HSPA4L: variants seen among roughly 807,000 people sequenced by gnomAD.
HSPA4L encodes heat shock protein family A (Hsp70) member 4 like, also known as heat shock 70 kDa protein 4L.
Under a neutral mutation model 100.3 loss-of-function variants are expected in HSPA4L, and 48 were observed. That is an observed-to-expected ratio of 0.48 (90% confidence interval 0.38 to 0.61). HSPA4L has a LOEUF of 0.61. Ranked by LOEUF, HSPA4L falls within the 20% of genes least tolerant of loss-of-function variation. The pLI, the probability that HSPA4L is intolerant of heterozygous loss-of-function variation, is 0.00. For synonymous variants in HSPA4L, 319 were observed against 328.2 expected (o/e 0.97, Z 0.30); for missense variants, 886 against 988.6 (o/e 0.90, Z 1.39).
chr4:127,790,741 A>C (rs558361949), intron 1 of HSPA4L, among the ~76,000 whole-genome samples: 81 of 152,304 alleles, frequency 5.3e-4, no homozygotes, highest in African/African-American at 1.9e-3. Context: ...GCAACTAGAA[A>C]CCTAGATATT....
Position 127,811,554 on chromosome 4 carries a change from A to G in HSPA4L, c.1496A>G (p.Glu499Gly). Reference protein sequence around the residue: ...IFSVASASVIEKQNLEGDHSD... With the variant: ...IFSVASASVIGKQNLEGDHSD... The stretch of plus-strand genomic sequence containing the variant: ...AGTGTGGCTAGCGCATCAGTAATTG[A>G]GAAGCAAAATTTGGAAGGCGATCAC... The change falls in exon 12 of 19, where the codon GAG becomes GGG. Residue 499 changes from glutamate (E) to glycine (G), a missense_variant. By Grantham distance (98) the Glu-to-Gly change is moderately conservative (BLOSUM62 -2). Transcript: ENST00000296464. 1 of 1,614,048 alleles carries G rather than the reference A, an allele frequency of 6.2e-7. No individual in the cohort carries two copies. The highest frequency in any genetic ancestry group is 1.3e-5 in the African/African-American group (1 of 75,040).
chr4:127,792,704 G>T (rs1459404626), intron 1 of HSPA4L, among the ~76,000 whole-genome samples: 4 of 152,158 alleles, frequency 2.6e-5, no homozygotes, highest in African/African-American at 9.7e-5. Context: ...GTCACTAAAT[G>T]AATTGTATCA....
intron 12 of HSPA4L, among the ~76,000 whole-genome samples, chr4:127,814,724 G>A (rs191508369): frequency 6.6e-6 from 1 of 151,986 alleles, no homozygotes; most frequent in Non-Finnish European, 1.5e-5. Flanking sequence ...ACGCCACCAC[G>A]CCTGGCAGAT....
chr4:127,792,569 A>G (rs1227680152), intron 1 of HSPA4L, among the ~76,000 whole-genome samples: 1 of 152,178 alleles, frequency 6.6e-6, no homozygotes, highest in East Asian at 1.9e-4. Context: ...TATTCTAGTT[A>G]ATTGAAATTG....
At chr4:127,798,354 G>GAAAATAC (rs1284594416) in intron 3 of HSPA4L, among the ~76,000 whole-genome samples, 5 of 152,246 alleles carry the variant, frequency 3.3e-5, no homozygotes, top group Admixed American at 2.0e-4. Context: ...CTACACTTTT[G>GAAAATAC]AAAATACTTT....
chr4:127,799,213 A>G (rs1186504230), intron 4 of HSPA4L, among the ~76,000 whole-genome samples: 4 of 152,158 alleles, frequency 2.6e-5, no homozygotes, highest in African/African-American at 7.2e-5. Flanking sequence ...CTTGACTACA[A>G]AAGTTCAAGA....
rs1734339669 is a variant in HSPA4L at position 127,840,397 on chromosome 4, T to A, written c.*7523T>A. 6.6e-6 allele frequency: 1 copy of A among 152,218 alleles called. No homozygotes were observed. The highest frequency in any genetic ancestry group is 6.5e-5 in the Admixed American group (1 of 15,276). 9.4% of individuals were successfully genotyped at this position (152,218 alleles called of 1,614,324 possible). A position where few individuals can be genotyped will look rare whatever the true frequency, so the allele number is the denominator to read the frequency against. ...TCAATACAAACAGCAACCACTGAAA[T>A]GCAGAAAATGGTAATCAAGTGTGAT... On this transcript the variant is annotated 3_prime_UTR_variant, in exon 19 of 19. Coordinates refer to ENST00000296464, the MANE Select transcript of HSPA4L (RefSeq NM_014278.4).
intron 11 of HSPA4L, chr4:127,809,026 T>C: frequency 1.1e-5 from 5 of 456,686 alleles, no homozygotes; most frequent in Non-Finnish European, 2.0e-5. Flanking sequence ...TAATGTTTAC[T>C]GGCAACAACT....
intron 3 of HSPA4L, among the ~76,000 whole-genome samples, chr4:127,796,911 A>G (rs949800911): frequency 6.6e-6 from 1 of 152,240 alleles, no homozygotes; most frequent in African/African-American, 2.4e-5. Context: ...CTTTGTGAAT[A>G]TACTGAATTG....
chr4:127,829,270 A>T (rs910277899), intron 17 of HSPA4L, among the ~76,000 whole-genome samples: 1 of 152,144 alleles, frequency 6.6e-6, no homozygotes, highest in Non-Finnish European at 1.5e-5. Flanking sequence ...GGTTGAAAAT[A>T]GGGGTAAGTG....
chr4:127,830,831 G>A lies in HSPA4L; in HGVS notation c.2328+32G>A, dbSNP rs893703177. 7 of 1,402,546 alleles carry A rather than the reference G, an allele frequency of 5.0e-6. No homozygotes were observed. The African/African-American group carries it at 8.9e-5, about 18-fold the overall frequency. 86.9% of individuals were successfully genotyped at this position (1,402,546 alleles called of 1,614,324 possible). A position where few individuals can be genotyped will look rare whatever the true frequency, so the allele number is the denominator to read the frequency against. On this transcript the variant is annotated intron_variant, in intron 18 of 18. Coordinates refer to ENST00000296464, the MANE Select transcript of HSPA4L (RefSeq NM_014278.4). ...AGTTTATGAAATTGCCTTTTTAATG[G>A]TTTCAAGTATTAAAATTTTTAATGA... is the stretch of plus-strand genomic sequence containing the variant.
At chr4:127,815,514 A>G (rs1476393498) in intron 12 of HSPA4L, among the ~76,000 whole-genome samples, 2 of 152,060 alleles carry the variant, frequency 1.3e-5, no homozygotes, top group Non-Finnish European at 2.9e-5. Context: ...AAATTATCAC[A>G]TCTTAAACTA....
At position 127,838,333 on chromosome 4, in the gene HSPA4L, T is replaced by C. The variant is rs1325707705; in HGVS notation, c.*5459T>C. 1.3e-5 allele frequency: 2 copies of C among 152,222 alleles called. No homozygotes were observed. The highest frequency in any genetic ancestry group is 2.9e-5 in the Non-Finnish European group (2 of 68,034). 9.4% of individuals were successfully genotyped at this position (152,222 alleles called of 1,614,324 possible). On this transcript the variant is annotated 3_prime_UTR_variant, in exon 19 of 19. Transcript: ENST00000296464. ...GTGGGTGATGGCTCTTTCATCTTCC[T>C]TATCCCTAAAGATACTTCCAACATA...
intron 16 of HSPA4L, among the ~76,000 whole-genome samples, chr4:127,823,875 A>G (rs1361852661): frequency 6.6e-6 from 1 of 152,168 alleles, no homozygotes; most frequent in Non-Finnish European, 1.5e-5. Context: ...CTACTCTCTC[A>G]ACCAATTTTC....
chr4:127,827,367 T>A lies in HSPA4L; in HGVS notation c.2109T>A (p.Asn703Lys). Residue 703 changes from asparagine to lysine, a missense_variant, in exon 17 of 19, where the codon AAT becomes AAA. Coordinates refer to ENST00000296464, the MANE Select transcript of HSPA4L (RefSeq NM_014278.4). ...ATGAAGAGAGACCAAAAGCCTTAAA[T>A]GACTTGGGAAAAAAGATCCAACTTG... Reference protein sequence around the residue: ...MEHEERPKALNDLGKKIQLVM... With the variant: ...MEHEERPKALKDLGKKIQLVM... The A allele has an allele frequency of 6.2e-7, 1 of 1,613,642 alleles. No individual in the cohort carries two copies.
intron 17 of HSPA4L, among the ~76,000 whole-genome samples, chr4:127,829,970 C>CA (rs1734038489): frequency 6.6e-6 from 1 of 151,396 alleles, no homozygotes; most frequent in Non-Finnish European, 1.5e-5. Flanking sequence ...ATGGGTTTTC[C>CA]ATTTGTTTGT....
chr4:127,799,606 A>T (rs7671590), intron 4 of HSPA4L, among the ~76,000 whole-genome samples: 86,261 of 152,032 alleles, frequency 0.57, 25,642 homozygotes, highest in Middle Eastern at 0.79. Context: ...TTGAAAGGAT[A>T]TGTTAGAATC....
At chr4:127,793,618 A>C (rs866328068) in intron 1 of HSPA4L, among the ~76,000 whole-genome samples, 3 of 152,204 alleles carry the variant, frequency 2.0e-5, no homozygotes, top group Non-Finnish European at 4.4e-5. Flanking sequence ...ACCTATATCC[A>C]TTCTCTTAAT....
upstream of HSPA4L, chr4:127,782,111 C>T (rs1348702898): frequency 2.2e-6 from 1 of 455,240 alleles, no homozygotes; most frequent in East Asian, 7.0e-5. Flanking sequence ...TCCCGCTTCT[C>T]CCGCCCCCGG....
Sources: gnomAD v4.1 joint callset for allele counts (sites outside exome capture counted in the v4.1 genomes callset) on GRCh38, gnomAD v4.1.1 for gene constraint, MANE v1.5 for transcripts, NCBI Gene and HGNC (gene_info 2026-07-23, HGNC 2026-07-21) for gene names.